The following PPM1D variants were observed in gnomAD, a reference collection of about 807,000 sequenced individuals.
The protein encoded by PPM1D is protein phosphatase, Mg2+/Mn2+ dependent 1D, also known as protein phosphatase 1D.
Under a neutral mutation model 58.3 loss-of-function variants are expected in PPM1D, and 52 were observed. That is an observed-to-expected ratio of 0.89 (90% CI 0.71 to 1.12). The LOEUF is 1.12. Ranked by LOEUF, PPM1D falls within the 50% of genes most tolerant of loss-of-function variation. The probability of loss-of-function intolerance (pLI) is 0.00; values close to 1 mark genes in which losing one functional copy is unlikely to be tolerated. For synonymous variants in PPM1D, 278 were observed against 285.1 expected (o/e 0.98, Z 0.25); for missense variants, 564 against 777.2 (o/e 0.73, Z 3.26).
At chr17:60,651,744 T>C (rs1300605826) in intron 4 of PPM1D, among the ~76,000 whole-genome samples, 1 of 152,110 alleles carries the variant, frequency 6.6e-6, no homozygotes, top group Non-Finnish European at 1.5e-5. Context: ...GCACATAAAA[T>C]GATGCATCCA....
At chr17:60,613,956 C>G (rs1474815025) in intron 1 of PPM1D, among the ~76,000 whole-genome samples, 1 of 151,736 alleles carries the variant, frequency 6.6e-6, no homozygotes, top group Non-Finnish European at 1.5e-5. Context: ...ACCCCCTGCT[C>G]CACGGTGCCC....
chr17:60,600,260 C>G lies in PPM1D; in HGVS notation c.-155C>G, dbSNP rs947266075. On this transcript the variant is annotated 5_prime_UTR_variant, in exon 1 of 6. Coordinates refer to ENST00000305921, the MANE Select transcript of PPM1D (RefSeq NM_003620.4). ...CCGGCCCAGCTCTCGCGGACAAGTC[C>G]AGACATCGCGCGCCCCCCCTTCTCC... The G allele has an allele frequency of 2.9e-6, 4 of 1,390,480 alleles. No individual in the cohort carries two copies. The highest frequency in any genetic ancestry group is 3.8e-6 in the Non-Finnish European group (4 of 1,058,790). 86.1% of individuals were successfully genotyped at this position (1,390,480 alleles called of 1,614,324 possible). A position where few individuals can be genotyped will look rare whatever the true frequency, so the allele number is the denominator to read the frequency against.
intron 1 of PPM1D, among the ~76,000 whole-genome samples, chr17:60,617,985 T>G (rs1567966744): frequency 6.6e-6 from 1 of 152,242 alleles, no homozygotes; most frequent in Non-Finnish European, 1.5e-5. Context: ...CTTGTTTTTC[T>G]TAATAGTTTC....
In PPM1D at chr17:60,652,457, G is replaced by A. The variant is rs527335446; in HGVS notation, c.1018-4142G>A. On this transcript the variant is annotated intron_variant, in intron 4 of 5. Transcript: ENST00000305921. ...TTGTGAATAGTGCTGCAATAAACAT[G>A]GGAGTGCAGATATACCTTCAGTGTA... is the stretch of plus-strand genomic sequence containing the variant. Among the ~76,000 whole-genome samples, 6 of 152,074 alleles carry A rather than the reference G, an allele frequency of 3.9e-5. No individual in the cohort carries two copies. The South Asian group carries it at 1.2e-3, about 32-fold the overall frequency.
At chr17:60,645,554 ATGTGTG>A (rs562391281) in intron 3 of PPM1D, among the ~76,000 whole-genome samples, 2 of 130,722 alleles carry the variant, frequency 1.5e-5, no homozygotes, top group Non-Finnish European at 3.1e-5. Context: ...ATGTATATAT[ATGTGTG>A]TGTATATATA....
At chr17:60,656,227 G>A (rs144490890) in intron 4 of PPM1D, among the ~76,000 whole-genome samples, 2,008 of 151,360 alleles carry the variant, frequency 0.013, 45 homozygotes, top group African/African-American at 0.046. Flanking sequence ...AGGCAGAGGC[G>A]TGTGGATCGA....
intron 5 of PPM1D, 163 bp downstream of exon 5, chr17:60,657,004 A>C: frequency 6.5e-7 from 1 of 1,545,652 alleles, no homozygotes; most frequent in Non-Finnish European, 8.7e-7. Context: ...CATCAATACT[A>C]ATCTGAATGC....
chr17:60,649,540 T>G (rs1172577457), intron 4 of PPM1D, among the ~76,000 whole-genome samples: 1 of 151,940 alleles, frequency 6.6e-6, no homozygotes, highest in Admixed American at 6.6e-5. Flanking sequence ...AAATACAAAA[T>G]TAGCTGGGTG....
At chr17:60,634,433 A>G (rs1157099814) in intron 3 of PPM1D, among the ~76,000 whole-genome samples, 2 of 152,170 alleles carry the variant, frequency 1.3e-5, no homozygotes, top group African/African-American at 4.8e-5. Context: ...AGGTTTAGGT[A>G]TATAATTCAC....
chr17:60,643,477 C>G (rs1164186826), intron 3 of PPM1D, among the ~76,000 whole-genome samples: 1 of 152,096 alleles, frequency 6.6e-6, no homozygotes, highest in African/African-American at 2.4e-5. Context: ...TTAGAATGTC[C>G]TAATTCTGTC....
intron 3 of PPM1D, among the ~76,000 whole-genome samples, chr17:60,642,291 T>C (rs117856432): frequency 0.02 from 3,059 of 151,010 alleles, 52 homozygotes; most frequent in Non-Finnish European, 0.033. Flanking sequence ...TAAAAAATAT[T>C]GAATAAAAAA....
chr17:60,603,193 G>T (rs1376891108), intron 1 of PPM1D, among the ~76,000 whole-genome samples: 2 of 152,014 alleles, frequency 1.3e-5, no homozygotes, highest in Non-Finnish European at 1.5e-5. Flanking sequence ...CTTTTGTAGT[G>T]CTCATTGGAT....
chr17:60,613,893 C>T (rs1393483123), intron 1 of PPM1D, among the ~76,000 whole-genome samples: 2 of 139,212 alleles, frequency 1.4e-5, no homozygotes, highest in Admixed American at 7.1e-5. Flanking sequence ...ACCTGAGGCC[C>T]CCCCCCCGCC....
At chr17:60,660,486 A>G (rs979956162) in intron 5 of PPM1D, among the ~76,000 whole-genome samples, 3 of 152,208 alleles carry the variant, frequency 2.0e-5, no homozygotes, top group Admixed American at 6.5e-5. Context: ...ATTCATATCT[A>G]TGATTAGATC....
intron 5 of PPM1D, chr17:60,657,253 T>A (rs1012130480): frequency 4.6e-5 from 16 of 346,868 alleles, no homozygotes; most frequent in Admixed American, 1.3e-4. Context: ...AAAATTGAGC[T>A]GGACCTGAGG....
At chr17:60,643,225 A>G (rs1232429891) in intron 3 of PPM1D, among the ~76,000 whole-genome samples, 1 of 151,874 alleles carries the variant, frequency 6.6e-6, no homozygotes, top group African/African-American at 2.4e-5. Flanking sequence ...AGAAAAAAAT[A>G]CAAAAAAATT....
At position 60,641,110 on chromosome 17, in the gene PPM1D, G is replaced by A. The variant is rs182445473; in HGVS notation, c.827-6782G>A. On this transcript the variant is annotated intron_variant, in intron 3 of 5. Coordinates refer to ENST00000305921, the MANE Select transcript of PPM1D (RefSeq NM_003620.4). ...TAGAGCGATTTATTTTCCTTTGGAT[G>A]TATACCCACTAACAGGATTGCTAGA... Among the ~76,000 whole-genome samples the A allele has an allele frequency of 4.5e-3, 680 of 152,236 alleles. 1 individual carries two copies. Among genetic ancestry groups the A allele is most frequent in the Non-Finnish European group, 7.7e-3 (525 of 68,002 alleles).
At chr17:60,654,879 AAAAG>A (rs1163017964) in intron 4 of PPM1D, among the ~76,000 whole-genome samples, 9 of 151,960 alleles carry the variant, frequency 5.9e-5, no homozygotes, top group South Asian at 4.2e-4. Context: ...AAAAAAAAAA[AAAAG>A]AAAGAAAAGA....
chr17:60,643,888 T>C (rs547804196), intron 3 of PPM1D, among the ~76,000 whole-genome samples: 9 of 138,714 alleles, frequency 6.5e-5, no homozygotes, highest in East Asian at 4.2e-4. Flanking sequence ...CTTTTCTTTT[T>C]TTTTTTTTTT....
Sources: gnomAD v4.1 joint callset for allele counts (sites outside exome capture counted in the v4.1 genomes callset) on GRCh38, gnomAD v4.1.1 for gene constraint, MANE v1.5 for transcripts, NCBI Gene and HGNC (gene_info 2026-07-23, HGNC 2026-07-21) for gene names.